Variants in LIPA observed in about 807,000 individuals in gnomAD.
LIPA encodes the protein lipase A, lysosomal acid type, also known as lysosomal acid lipase/cholesteryl ester hydrolase.
LIPA carries 26 observed loss-of-function variants against 40.6 expected under a neutral mutation model. The ratio of observed to expected loss-of-function variants is 0.64; its 90% confidence interval spans 0.47 to 0.89. The LOEUF (loss-of-function observed/expected upper bound fraction) is 0.89. LIPA is among the 40% of genes least tolerant of loss of function. The pLI, the probability that LIPA is intolerant of heterozygous loss-of-function variation, is 0.00. For missense variants in LIPA, 455 were observed against 479.6 expected, an observed-to-expected ratio of 0.95 and a Z score of 0.48; for synonymous variants, 188 against 168.4, an observed-to-expected ratio of 1.12 and a Z score of -0.90.
rs370963825 is a variant in LIPA at position 89,275,026 on chromosome 10, A to C, written c.-1-27377T>G. ...TGACAGTGTCTGAGCTAGGTAAAGA[A>C]GTAGAGTTGAAACTGTCGGGGCTTT... On this transcript the variant is annotated intron_variant, in intron 1 of 5. Coordinates refer to the LIPA transcript ENST00000282673. Among the ~76,000 whole-genome samples the C allele has an allele frequency of 5.9e-5, 9 of 152,356 alleles. No homozygotes were observed. The East Asian group carries it at 1.5e-3, about 26-fold the overall frequency.
chr10:89,252,704 G>C (rs1265537924), upstream of LIPA, among the ~76,000 whole-genome samples: 2 of 151,730 alleles, frequency 1.3e-5, no homozygotes, highest in East Asian at 3.9e-4. Context: ...TCCTTGGGAG[G>C]CTGAGGCAGG....
chr10:89,228,276 C>T lies in LIPA; in HGVS notation c.352G>A (p.Gly118Ser). The change falls in exon 4 of 10, where the codon GGC becomes AGC. Residue 118 changes from glycine (G) to serine (S), a missense_variant. By Grantham distance (56) the Gly-to-Ser change is moderately conservative (BLOSUM62 0). Transcript: ENST00000336233. ...LADAGFDVWM[G>S]NSRGNTWSRK... Reference sequence around the variant, plus strand: ...GACCAGGTATTTCCTCTGCTGTTGCCCATCCACACGTCAAAACCAGCATCA... The same window carrying T: ...GACCAGGTATTTCCTCTGCTGTTGCTCATCCACACGTCAAAACCAGCATCA... 2 of 1,614,082 alleles carry T rather than the reference C, an allele frequency of 1.2e-6. No individual in the cohort carries two copies. Among genetic ancestry groups the T allele is most frequent in the South Asian group, 1.1e-5 (1 of 91,074 alleles).
chr10:89,290,054 A>G (rs1322462446), intron 1 of LIPA, among the ~76,000 whole-genome samples: 1 of 152,028 alleles, frequency 6.6e-6, no homozygotes, highest in Non-Finnish European at 1.5e-5. Flanking sequence ...ACCTAAATCA[A>G]TCTGGCCTGG....
chr10:89,282,003 G>A (rs984664625), intron 1 of LIPA, among the ~76,000 whole-genome samples: 2 of 152,086 alleles, frequency 1.3e-5, no homozygotes, highest in African/African-American at 2.4e-5. Flanking sequence ...CACATGCAGG[G>A]TCTACACTGT....
At chr10:89,391,540 T>C (rs1844251301) in intron 2 of LIPA, among the ~76,000 whole-genome samples, 1 of 152,064 alleles carries the variant, frequency 6.6e-6, no homozygotes, top group South Asian at 2.1e-4. Context: ...TTTTATTTAT[T>C]TATTTTTTTA....
intron 1 of LIPA, among the ~76,000 whole-genome samples, chr10:89,316,470 TG>T (rs1448994868): frequency 6.6e-6 from 1 of 152,224 alleles, no homozygotes; most frequent in African/African-American, 2.4e-5. Context: ...TGCTCACTGC[TG>T]GCACAGCAGT....
intron 1 of LIPA, chr10:89,328,230 G>GA (rs1436547672): frequency 1.2e-6 from 1 of 832,044 alleles, no homozygotes; most frequent in African/African-American, 1.7e-5. Flanking sequence ...TGTTTGAGGG[G>GA]TTTTTCCCTG....
At chr10:89,363,087 C>G (rs1844033015) in intron 2 of LIPA, 1 of 225,658 alleles carries the variant, frequency 4.4e-6, no homozygotes, top group African/African-American at 2.3e-5. Context: ...CCAGTTTTAT[C>G]AAAGAAGAGG....
upstream of LIPA, among the ~76,000 whole-genome samples, chr10:89,343,886 A>G (rs578212844): frequency 6.6e-6 from 1 of 151,388 alleles, no homozygotes; most frequent in South Asian, 2.1e-4. Flanking sequence ...TGAATTAAAG[A>G]ACTTATATTA....
chr10:89,403,151 G>A, intron 2 of LIPA: 1 of 1,613,984 alleles, frequency 6.2e-7, no homozygotes, highest in Non-Finnish European at 8.5e-7. Flanking sequence ...ACCAGATAGG[G>A]CTTTGCTACA....
At chr10:89,402,952 A>G (rs1844459326) in intron 2 of LIPA, 1 of 1,614,018 alleles carries the variant, frequency 6.2e-7, no homozygotes. Flanking sequence ...CTTGCCCTGA[A>G]GCTTCAGGAT....
chr10:89,244,317 G>A (rs914256355), intron 3 of LIPA, among the ~76,000 whole-genome samples: 10 of 152,140 alleles, frequency 6.6e-5, no homozygotes, highest in Non-Finnish European at 1.5e-4. Context: ...TTAACACAAA[G>A]GGTGTTTAAG....
chr10:89,324,511 T>C (rs1052661714), intron 1 of LIPA, among the ~76,000 whole-genome samples: 4 of 152,026 alleles, frequency 2.6e-5, no homozygotes, highest in African/African-American at 9.7e-5. Context: ...AAACCAAAAA[T>C]TGACAAACGG....
chr10:89,282,658 A>G (rs1843322408), intron 1 of LIPA, among the ~76,000 whole-genome samples: 1 of 152,034 alleles, frequency 6.6e-6, no homozygotes, highest in African/African-American at 2.4e-5. Context: ...TAAAAAAAAA[A>G]GAAAGAAAGA....
chr10:89,288,384 G>T (rs933486907), intron 1 of LIPA, among the ~76,000 whole-genome samples: 4 of 152,038 alleles, frequency 2.6e-5, no homozygotes, highest in African/African-American at 9.7e-5. Flanking sequence ...CTTAAAAACA[G>T]CCCTAGAAGC....
chr10:89,299,379 GA>G (rs1158853560), intron 1 of LIPA, among the ~76,000 whole-genome samples: 7 of 152,136 alleles, frequency 4.6e-5, no homozygotes, highest in Non-Finnish European at 1.0e-4. Context: ...CCAAATATAT[GA>G]ATTATCAGTA....
chr10:89,318,647 A>C (rs1468974223), intron 1 of LIPA, among the ~76,000 whole-genome samples: 1 of 152,224 alleles, frequency 6.6e-6, no homozygotes, highest in African/African-American at 2.4e-5. Context: ...AACATTAGAC[A>C]GATCAACGAG....
At chr10:89,269,311 A>G (rs1843253645) in intron 1 of LIPA, among the ~76,000 whole-genome samples, 1 of 152,222 alleles carries the variant, frequency 6.6e-6, no homozygotes, top group African/African-American at 2.4e-5. Context: ...GCCTGGTGAC[A>G]GAGTCAAAAA....
chr10:89,237,622 C>G (rs1003028979), intron 3 of LIPA, among the ~76,000 whole-genome samples: 3 of 152,106 alleles, frequency 2.0e-5, no homozygotes, highest in Non-Finnish European at 4.4e-5. Flanking sequence ...AATCCCTGAG[C>G]CTTAAAGGGA....
Sources: gnomAD v4.1 joint callset for allele counts (sites outside exome capture counted in the v4.1 genomes callset) on GRCh38, gnomAD v4.1.1 for gene constraint, MANE v1.5 for transcripts, NCBI Gene and HGNC (gene_info 2026-07-23, HGNC 2026-07-21) for gene names.